The following GALNT18 variants were observed in gnomAD, a reference collection of about 807,000 sequenced individuals.
GALNT18 encodes polypeptide N-acetylgalactosaminyltransferase 18.
Under a neutral mutation model 69.5 loss-of-function variants are expected in GALNT18, and 44 were observed. The ratio of observed to expected loss-of-function variants is 0.63; its 90% confidence interval spans 0.50 to 0.81. GALNT18 has a LOEUF of 0.81. Among genes scored for constraint, GALNT18 ranks in the 40% least tolerant of loss-of-function variants. The pLI is 0.00. For missense variants in GALNT18, 715 were observed against 810.0 expected, an observed-to-expected ratio of 0.88 and a Z score of 1.42; for synonymous variants, 364 against 318.2, an observed-to-expected ratio of 1.14 and a Z score of -1.53.
chr11:11,606,346 G>A lies in GALNT18; in HGVS notation c.235+15013C>T, dbSNP rs1859754625. Among the ~76,000 whole-genome samples the A allele has an allele frequency of 6.6e-6, 1 of 152,176 alleles. No homozygotes were observed. Among genetic ancestry groups the A allele is most frequent in the South Asian group, 2.1e-4 (1 of 4,830 alleles). On this transcript the variant is annotated intron_variant, in intron 1 of 10. Transcript: ENST00000227756. The surrounding 1 kb of genome is among the most constrained non-coding windows in gnomAD (Gnocchi z 5.4). The stretch of plus-strand genomic sequence containing the variant: ...AAAGCAGACTAATAATTACAGGACA[G>A]TATGATTTTCTCATCTGTAAAATGG...
chr11:11,577,468 G>A (rs1858954184), intron 1 of GALNT18, among the ~76,000 whole-genome samples: 1 of 152,164 alleles, frequency 6.6e-6, no homozygotes, highest in African/African-American at 2.4e-5. Flanking sequence ...GTGCCAGAAA[G>A]GAAGCCACTC....
intron 10 of GALNT18, among the ~76,000 whole-genome samples, chr11:11,290,530 G>A (rs1193439485): frequency 1.3e-5 from 2 of 152,076 alleles, no homozygotes; most frequent in Non-Finnish European, 2.9e-5. Flanking sequence ...CTCCAGGATC[G>A]GCCACCCCTG....
At chr11:11,384,032 C>G (rs1262144188) in intron 3 of GALNT18, among the ~76,000 whole-genome samples, 2 of 151,982 alleles carry the variant, frequency 1.3e-5, no homozygotes, top group Non-Finnish European at 2.9e-5. Context: ...GACTAATACA[C>G]TTACTATTAG....
At position 11,353,164 on chromosome 11, in the gene GALNT18, C is replaced by T; in HGVS notation, c.1093-12160G>A. On this transcript the variant is annotated intron_variant, in intron 6 of 10. Transcript: ENST00000227756. ...AAAGCTGGACTTGATGTTTGGAGAT[C>T]TGGCAGTCACTGTGTTCAGAAGCAG... 9 of 1,607,334 alleles carry T rather than the reference C, an allele frequency of 5.6e-6. 1 individual carries two copies. Among genetic ancestry groups the T allele is most frequent in the Non-Finnish European group, 7.7e-6 (9 of 1,174,294 alleles).
intron 1 of GALNT18, among the ~76,000 whole-genome samples, chr11:11,509,347 A>G (rs972940539): frequency 1.3e-5 from 2 of 152,198 alleles, no homozygotes; most frequent in African/African-American, 4.8e-5. Flanking sequence ...CATGGGAACA[A>G]TTAGAACTGC....
chr11:11,408,037 T>C (rs532422889), intron 3 of GALNT18, among the ~76,000 whole-genome samples: 1 of 152,278 alleles, frequency 6.6e-6, no homozygotes, highest in South Asian at 2.1e-4. Flanking sequence ...AGAGAAATTA[T>C]ACAAAACAGT....
At chr11:11,456,188 G>T (rs190551036) in intron 1 of GALNT18, among the ~76,000 whole-genome samples, 1 of 152,296 alleles carries the variant, frequency 6.6e-6, no homozygotes, top group East Asian at 1.9e-4. Context: ...CCCTAGTACA[G>T]TGTACCCCAA....
At chr11:11,298,736 G>T (rs4614445) in intron 9 of GALNT18, among the ~76,000 whole-genome samples, 1 of 151,576 alleles carries the variant, frequency 6.6e-6, no homozygotes, top group African/African-American at 2.4e-5. Flanking sequence ...ATCACAGCAG[G>T]TCTTCTTTTG....
intron 10 of GALNT18, among the ~76,000 whole-genome samples, chr11:11,280,581 T>G (rs548902462): frequency 1.3e-5 from 2 of 152,284 alleles, no homozygotes; most frequent in South Asian, 4.1e-4. Context: ...GAGGCCTGCG[T>G]CTCCCAGTTT....
chr11:11,326,856 C>G (rs1849930270), intron 9 of GALNT18, among the ~76,000 whole-genome samples: 2 of 152,176 alleles, frequency 1.3e-5, no homozygotes, highest in African/African-American at 4.8e-5. Flanking sequence ...CCTGGAGGAT[C>G]CTGGAGTCAT....
At chr11:11,529,872 T>G (rs1446101259) in intron 1 of GALNT18, among the ~76,000 whole-genome samples, 1 of 152,138 alleles carries the variant, frequency 6.6e-6, no homozygotes, top group East Asian at 1.9e-4. Flanking sequence ...TTACCCAGGT[T>G]TAACTCTCCT....
At chr11:11,446,126 T>G (rs1855645865) in intron 2 of GALNT18, among the ~76,000 whole-genome samples, 1 of 152,128 alleles carries the variant, frequency 6.6e-6, no homozygotes, top group South Asian at 2.1e-4. Context: ...GTTGCTTATC[T>G]GACTGTGTGA....
chr11:11,567,809 A>AACT (rs1858689120), intron 1 of GALNT18, among the ~76,000 whole-genome samples: 1 of 152,244 alleles, frequency 6.6e-6, no homozygotes, highest in Admixed American at 6.5e-5. Context: ...TCTGTCTCCA[A>AACT]AGACTATGTC....
intron 3 of GALNT18, among the ~76,000 whole-genome samples, chr11:11,379,791 T>C (rs539521984): frequency 6.6e-6 from 1 of 152,340 alleles, no homozygotes; most frequent in East Asian, 1.9e-4. Flanking sequence ...AGGAAGTGGA[T>C]GGCCAGGAGC....
chr11:11,578,710 C>T (rs1858993094), intron 1 of GALNT18, among the ~76,000 whole-genome samples: 1 of 152,228 alleles, frequency 6.6e-6, no homozygotes, highest in African/African-American at 2.4e-5. Context: ...GCCTCCTGTG[C>T]GCAGGACAAA....
At chr11:11,434,239 G>A (rs996145323) in intron 2 of GALNT18, among the ~76,000 whole-genome samples, 1 of 152,148 alleles carries the variant, frequency 6.6e-6, no homozygotes, top group African/African-American at 2.4e-5. Context: ...CGCCAGAGAG[G>A]AATGGGGGAA....
rs199944459 is a variant in GALNT18, at chr11:11,480,251, C to CCT, written c.236-31317_236-31316dup. ...TTATTTCTTTCTTTCTTCCTTCCTT[C>CCT]CTCTCTCTCTCTCTTTCTCTCTCTC... is the stretch of plus-strand genomic sequence containing the variant. On this transcript the variant is annotated intron_variant, in intron 1 of 10. Coordinates refer to ENST00000227756, the MANE Select transcript of GALNT18 (RefSeq NM_198516.3). The surrounding 1 kb of genome is among the most constrained non-coding windows in gnomAD (Gnocchi z 4.6). Among the ~76,000 whole-genome samples the CCT allele has an allele frequency of 3.3e-5, 5 of 149,612 alleles. No individual in the cohort carries two copies. Among genetic ancestry groups the CCT allele is most frequent in the African/African-American group, 5.1e-5 (2 of 39,514 alleles).
intron 9 of GALNT18, among the ~76,000 whole-genome samples, chr11:11,319,430 AG>A (rs1200262726): frequency 2.0e-5 from 3 of 152,216 alleles, no homozygotes; most frequent in African/African-American, 4.8e-5. Context: ...TCCATTTCCC[AG>A]GGCCAAGAAC....
intron 1 of GALNT18, among the ~76,000 whole-genome samples, chr11:11,535,783 C>T (rs1041840629): frequency 6.6e-6 from 1 of 152,192 alleles, no homozygotes; most frequent in Non-Finnish European, 1.5e-5. Flanking sequence ...GCATTTCCTG[C>T]CAGGCTCCCA....
Sources: gnomAD v4.1 joint callset for allele counts (sites outside exome capture counted in the v4.1 genomes callset) on GRCh38, gnomAD v4.1.1 for gene constraint, Gnocchi (gnomAD v3.1) non-coding constraint, MANE v1.5 for transcripts, NCBI Gene and HGNC (gene_info 2026-07-23, HGNC 2026-07-21) for gene names.